ODAD2: variants seen among roughly 807,000 people sequenced by gnomAD.
The protein encoded by ODAD2 is outer dynein arm docking complex subunit 2.
A neutral mutation model predicts 106.8 loss-of-function variants in ODAD2; 89 were observed. That is an observed-to-expected ratio of 0.83 (90% CI 0.70 to 0.99). The LOEUF (loss-of-function observed/expected upper bound fraction) is 0.99. ODAD2 is among the 50% of genes least tolerant of loss of function. The pLI is 0.00. For synonymous variants in ODAD2, 404 were observed against 436.2 expected (o/e 0.93, Z 0.92); for missense variants, 1,168 against 1,238.5 (o/e 0.94, Z 0.85).
rs564738750 is a variant in ODAD2, at chr10:27,928,153, T to C, written c.2495+6857A>G. ...CATTGGAGGTATAATAATGAACATA[T>C]TGACTTTGTCTCTCCTCTCATGAAG... On this transcript the variant is annotated intron_variant, in intron 16 of 19. Coordinates refer to ENST00000305242, the MANE Select transcript of ODAD2 (RefSeq NM_018076.5). Among the ~76,000 whole-genome samples, 93 of 152,086 alleles carry C rather than the reference T, an allele frequency of 6.1e-4. 1 individual carries two copies. Among genetic ancestry groups the C allele is most frequent in the Non-Finnish European group, 1.1e-3 (73 of 67,970 alleles).
intron 17 of ODAD2, among the ~76,000 whole-genome samples, chr10:27,903,644 A>T (rs550593066): frequency 6.6e-6 from 1 of 152,200 alleles, no homozygotes; most frequent in Non-Finnish European, 1.5e-5. Flanking sequence ...AAGCATTCCT[A>T]TACACCAATA....
chr10:27,848,969 T>C (rs1240011225), intron 19 of ODAD2, among the ~76,000 whole-genome samples: 1 of 152,192 alleles, frequency 6.6e-6, no homozygotes, highest in Non-Finnish European at 1.5e-5. Context: ...GTAAACTAGT[T>C]CAACCATTGT....
intron 10 of ODAD2, among the ~76,000 whole-genome samples, chr10:27,951,753 ATATT>A (rs1022718511): frequency 5.9e-5 from 9 of 152,148 alleles, no homozygotes; most frequent in African/African-American, 2.2e-4. Flanking sequence ...GAAATAGAAG[ATATT>A]TATTAATGTA....
At chr10:27,885,613 A>ATTT (rs1407034768) in intron 17 of ODAD2, among the ~76,000 whole-genome samples, 1 of 75,070 alleles carries the variant, frequency 1.3e-5, no homozygotes, top group Non-Finnish European at 2.4e-5. Flanking sequence ...TAAAATATAT[A>ATTT]TAAATATAAA....
At chr10:27,821,206 T>G (rs1836581048) in intron 19 of ODAD2, among the ~76,000 whole-genome samples, 1 of 152,218 alleles carries the variant, frequency 6.6e-6, no homozygotes, top group African/African-American at 2.4e-5. Flanking sequence ...GAATTTTCTG[T>G]GTGCTCCGGG....
chr10:27,895,125 T>C (rs1427186085), intron 17 of ODAD2, among the ~76,000 whole-genome samples: 1 of 152,110 alleles, frequency 6.6e-6, no homozygotes, highest in Non-Finnish European at 1.5e-5. Flanking sequence ...TTGCTTTTCT[T>C]TAGTTTCTAA....
intron 16 of ODAD2, among the ~76,000 whole-genome samples, chr10:27,918,985 A>G (rs1410548325): frequency 1.3e-5 from 2 of 151,890 alleles, no homozygotes; most frequent in Non-Finnish European, 2.9e-5. Flanking sequence ...TAGAAAAAGT[A>G]TAATGGAAAA....
intron 7 of ODAD2, among the ~76,000 whole-genome samples, chr10:27,981,069 C>T (rs1849512589): frequency 1.3e-5 from 2 of 152,032 alleles, no homozygotes; most frequent in Non-Finnish European, 2.9e-5. Flanking sequence ...AGAACCCAGA[C>T]ACAAAAGGAC....
chr10:27,931,609 C>T (rs144411373), intron 16 of ODAD2, among the ~76,000 whole-genome samples: 1 of 151,390 alleles, frequency 6.6e-6, no homozygotes, highest in African/African-American at 2.4e-5. Flanking sequence ...AAGAATATAG[C>T]TGTTTTCTCT....
intron 19 of ODAD2, among the ~76,000 whole-genome samples, chr10:27,840,556 T>A (rs1436187578): frequency 6.6e-6 from 1 of 152,130 alleles, no homozygotes; most frequent in African/African-American, 2.4e-5. Flanking sequence ...ACTGGGCCAA[T>A]CAGCTTCCCT....
intron 11 of ODAD2, 101 bp downstream of exon 11, chr10:27,944,715 A>G: frequency 7.0e-7 from 1 of 1,421,456 alleles, no homozygotes; most frequent in Non-Finnish European, 9.7e-7. Flanking sequence ...GCAGATAAAG[A>G]CAAGAACCAG....
intron 19 of ODAD2, among the ~76,000 whole-genome samples, chr10:27,850,130 G>A (rs916284672): frequency 6.6e-6 from 1 of 152,086 alleles, no homozygotes; most frequent in Non-Finnish European, 1.5e-5. Flanking sequence ...TAGTTTCCTC[G>A]TCTGCGAACT....
chr10:27,885,621 A>ATT (rs1330943353), intron 17 of ODAD2, among the ~76,000 whole-genome samples: 53 of 58,398 alleles, frequency 9.1e-4, no homozygotes, highest in African/African-American at 3.4e-3. Flanking sequence ...ATATAAATAT[A>ATT]AATATATAAA....
At chr10:27,967,179 C>T (rs1011532609) in intron 9 of ODAD2, among the ~76,000 whole-genome samples, 4 of 151,784 alleles carry the variant, frequency 2.6e-5, no homozygotes, top group African/African-American at 9.7e-5. Flanking sequence ...ACAGCGTGGC[C>T]CAAGTCTACC....
At chr10:27,947,008 C>G (rs1041009368) in intron 10 of ODAD2, among the ~76,000 whole-genome samples, 1 of 152,152 alleles carries the variant, frequency 6.6e-6, no homozygotes, top group Admixed American at 6.6e-5. Flanking sequence ...ATGCAGCAGG[C>G]TGTCCTCCAC....
At chr10:27,828,851 T>C (rs1451207439) in intron 19 of ODAD2, among the ~76,000 whole-genome samples, 1 of 152,148 alleles carries the variant, frequency 6.6e-6, no homozygotes, top group Non-Finnish European at 1.5e-5. Flanking sequence ...AAACTGAGAA[T>C]TCTCTAAATT....
At chr10:27,920,769 C>G (rs905707571) in intron 16 of ODAD2, among the ~76,000 whole-genome samples, 5 of 151,796 alleles carry the variant, frequency 3.3e-5, no homozygotes, top group African/African-American at 1.2e-4. Context: ...TGGGCAGCCA[C>G]AGAGAGATTA....
At chr10:27,936,086 T>A (rs1481495910) in intron 15 of ODAD2, among the ~76,000 whole-genome samples, 2 of 152,152 alleles carry the variant, frequency 1.3e-5, no homozygotes, top group African/African-American at 4.8e-5. Flanking sequence ...GTAAACTTAT[T>A]TTGTGTTAAA....
At chr10:27,813,363 T>C (rs1835886286) in intron 19 of ODAD2, 1 of 152,232 alleles carries the variant, frequency 6.6e-6, no homozygotes, top group African/African-American at 2.4e-5. Context: ...TTTACTCAAA[T>C]GTCTGTTGCT....
Sources: gnomAD v4.1 joint callset for allele counts (sites outside exome capture counted in the v4.1 genomes callset) on GRCh38, gnomAD v4.1.1 for gene constraint, MANE v1.5 for transcripts, NCBI Gene and HGNC (gene_info 2026-07-23, HGNC 2026-07-21) for gene names.